The following ZNF251 variants were observed in gnomAD, a reference collection of about 807,000 sequenced individuals.
ZNF251 encodes the protein zinc finger protein 251.
A neutral mutation model predicts 13.5 loss-of-function variants in ZNF251; 14 were observed. The ratio of observed to expected loss-of-function variants is 1.04; its 90% confidence interval spans 0.69 to 1.63. The LOEUF (loss-of-function observed/expected upper bound fraction) is 1.63, where lower values mean the gene tolerates loss of function less well. Ranked by LOEUF, ZNF251 falls within the 40% of genes most tolerant of loss-of-function variation. ZNF251 has a pLI of 0.00. For synonymous variants in ZNF251, 287 were observed against 295.2 expected (o/e 0.97, Z 0.28); for missense variants, 764 against 834.9 (o/e 0.92, Z 1.05).
Position 144,731,312 on chromosome 8 carries a change from C to T in ZNF251, c.278-7930G>A, listed in dbSNP as rs530975179. On this transcript the variant is annotated intron_variant, in intron 4 of 4. Coordinates refer to ENST00000292562, the MANE Select transcript of ZNF251 (RefSeq NM_138367.2). Reference sequence around the variant, plus strand: ...AAACTATGCAGTTCTTCGTCTTCCTCCAGCTCCAAAAGTGTGTGTTTCCTC... The same window carrying T: ...AAACTATGCAGTTCTTCGTCTTCCTTCAGCTCCAAAAGTGTGTGTTTCCTC... 5.9e-5 allele frequency among the ~76,000 whole-genome samples: 9 copies of T among 152,322 alleles called. No homozygotes were observed. In the South Asian group the frequency reaches 1.7e-3, roughly 28 times the overall value.
chr8:144,750,846 G>GTTTTTTTTTTTT (rs58473905), intron 4 of ZNF251, among the ~76,000 whole-genome samples: 5 of 141,314 alleles, frequency 3.5e-5, no homozygotes, highest in Non-Finnish European at 4.6e-5. Context: ...TCTCTCCAGA[G>GTTTTTTTTTTTT]TTTTTTTTTT....
Position 144,734,029 on chromosome 8 carries a change from A to T in ZNF251, c.278-10647T>A, listed in dbSNP as rs983470773. Among the ~76,000 whole-genome samples the T allele has an allele frequency of 1.3e-5, 2 of 152,174 alleles. No homozygotes were observed. Among genetic ancestry groups the T allele is most frequent in the East Asian group, 1.9e-4 (1 of 5,180 alleles). ...CAGAATCTTAGGCTGCACGTGCCAG[A>T]TGCCTAAACTGTGCAGCCTGAATGA... On this transcript the variant is annotated intron_variant, in intron 4 of 4. Coordinates refer to ENST00000292562, the MANE Select transcript of ZNF251 (RefSeq NM_138367.2). This position sits in a 1 kb window ranked among gnomAD's most constrained non-coding sequence, Gnocchi z 4.4.
chr8:144,737,222 C>G (rs137911845), intron 4 of ZNF251, among the ~76,000 whole-genome samples: 1,911 of 151,800 alleles, frequency 0.013, 29 homozygotes, highest in African/African-American at 0.044. Flanking sequence ...CTCAGCCTCC[C>G]GAGTAGCTAG....
intron 4 of ZNF251, chr8:144,729,954 C>T (rs1288654372): frequency 4.4e-6 from 3 of 687,292 alleles, no homozygotes; most frequent in African/African-American, 3.9e-5. Flanking sequence ...TCAATTGTAA[C>T]AGTTTCTCAA....
chr8:144,739,626 A>G (rs1824066692), intron 4 of ZNF251, among the ~76,000 whole-genome samples: 1 of 152,206 alleles, frequency 6.6e-6, no homozygotes, highest in Non-Finnish European at 1.5e-5. Flanking sequence ...CGGAAACCTC[A>G]TGTATTTTGA....
intron 4 of ZNF251, among the ~76,000 whole-genome samples, chr8:144,730,585 C>T (rs1823664680): frequency 6.6e-6 from 1 of 151,820 alleles, no homozygotes; most frequent in Non-Finnish European, 1.5e-5. Flanking sequence ...TGGCATGTGA[C>T]GCTGCGACGG....
intron 4 of ZNF251, among the ~76,000 whole-genome samples, chr8:144,741,908 A>C (rs1452398588): frequency 6.6e-6 from 1 of 152,186 alleles, no homozygotes; most frequent in Non-Finnish European, 1.5e-5. Flanking sequence ...CCAGAGAGAG[A>C]ATGGTACAGA....
chr8:144,735,983 C>T (rs1022736959), intron 4 of ZNF251, among the ~76,000 whole-genome samples: 2 of 152,140 alleles, frequency 1.3e-5, no homozygotes, highest in African/African-American at 4.8e-5. Flanking sequence ...GGGACCCAGG[C>T]CTCACCATTA....
intron 4 of ZNF251, among the ~76,000 whole-genome samples, chr8:144,750,859 CTT>C (rs1189598741): frequency 2.7e-5 from 3 of 112,562 alleles, no homozygotes; most frequent in Non-Finnish European, 1.8e-5. Flanking sequence ...TTTTTTTTTT[CTT>C]TTTTTTTTTT....
chr8:144,721,896 A>T lies in ZNF251; in HGVS notation c.1764T>A (p.His588Gln), dbSNP rs1449181559. 3.3e-6 allele frequency: 5 copies of T among 1,503,718 alleles called. No homozygotes were observed. In the Admixed American group the frequency reaches 1.1e-4, roughly 34 times the overall value. The allele number at this position is 1,503,718 out of a possible 1,614,324, so 93.1% of individuals were successfully genotyped here. A position where few individuals can be genotyped will look rare whatever the true frequency, so the allele number is the denominator to read the frequency against. ...TSRPTEDQIM[H>Q]AGEKPYKCQE... is the part of the protein sequence containing the mutation. ...GACATTTATAGGGCTTTTCCCCAGC[A>T]TGCATTATCTGATCTTCAGTGGGTC... is the stretch of plus-strand genomic sequence containing the variant. The change falls in exon 5 of 5, where the codon CAT (histidine) becomes CAA (glutamine). Residue 588 changes from histidine (H) to glutamine (Q), a missense_variant. By Grantham distance (24) the His-to-Gln change is conservative. Transcript: ENST00000292562.
intron 4 of ZNF251, among the ~76,000 whole-genome samples, chr8:144,752,198 CCTTGACTT>C (rs975613902): frequency 6.6e-6 from 1 of 151,114 alleles, no homozygotes; most frequent in African/African-American, 2.4e-5. Flanking sequence ...CCATCAACCA[CCTTGACTT>C]AACTGATATT....
chr8:144,722,347 C>T lies in ZNF251; in HGVS notation c.1313G>A (p.Cys438Tyr). ...GGAACTCCGACGAAAGGCTTTGCCGCACTCATTACAAACATAGGGTTTTTC... is the reference window on the plus strand; with the variant it reads ...GGAACTCCGACGAAAGGCTTTGCCGTACTCATTACAAACATAGGGTTTTTC... ...TGEKPYVCNE[C>Y]GKAFRRSSTL... Residue 438 changes from cysteine (C) to tyrosine (Y), a missense_variant, in exon 5 of 5, where the codon TGC becomes TAC. Coordinates refer to ENST00000292562, the MANE Select transcript of ZNF251 (RefSeq NM_138367.2). The surrounding 1 kb of genome is among the most constrained non-coding windows in gnomAD (Gnocchi z 4.8). 2 of 1,614,004 alleles carry T rather than the reference C, an allele frequency of 1.2e-6. No individual in the cohort carries two copies. Among genetic ancestry groups the T allele is most frequent in the Non-Finnish European group, 1.7e-6 (2 of 1,179,872 alleles).
chr8:144,753,143 C>T (rs1824774440), intron 4 of ZNF251, among the ~76,000 whole-genome samples: 1 of 151,626 alleles, frequency 6.6e-6, no homozygotes, highest in Admixed American at 6.6e-5. Context: ...GGTATGGTGA[C>T]ATGTGCCTGT....
Position 144,747,934 on chromosome 8 carries a change from G to A in ZNF251, c.277+5749C>T, listed in dbSNP as rs748513501. On this transcript the variant is annotated intron_variant, in intron 4 of 4. Coordinates refer to ENST00000292562, the MANE Select transcript of ZNF251 (RefSeq NM_138367.2). ...GCTGGTTTTGTGGTTTTTAGAGATA[G>A]TGTCTCACTCAGTTGCCCAGCCTGG... Among the ~76,000 whole-genome samples the A allele has an allele frequency of 5.8e-4, 88 of 152,134 alleles. 2 individuals carry two copies. The highest frequency in any genetic ancestry group is 2.6e-3 in the Admixed American group (39 of 15,288).
intron 4 of ZNF251, among the ~76,000 whole-genome samples, chr8:144,742,087 C>T (rs1468023000): frequency 6.6e-6 from 1 of 151,946 alleles, no homozygotes; most frequent in East Asian, 1.9e-4. Flanking sequence ...CAGCTCACCT[C>T]AAAAGCAGGA....
At chr8:144,735,197 C>T (rs532241601) in intron 4 of ZNF251, among the ~76,000 whole-genome samples, 1 of 151,818 alleles carries the variant, frequency 6.6e-6, no homozygotes, top group South Asian at 2.1e-4. Flanking sequence ...ACCATCCTAG[C>T]CAACATGGTA....
rs1473898805 is a variant in ZNF251, at chr8:144,734,830, T to C, written c.278-11448A>G. Among the ~76,000 whole-genome samples the C allele has an allele frequency of 6.6e-6, 1 of 152,126 alleles. No homozygotes were observed. Among genetic ancestry groups the C allele is most frequent in the Non-Finnish European group, 1.5e-5 (1 of 68,020 alleles). The stretch of plus-strand genomic sequence containing the variant: ...AGCTCACGCCTGTAATCCCAGCACT[T>C]TGGGAGGCCGAGGTGGGTAGATCAC... On this transcript the variant is annotated intron_variant, in intron 4 of 4. Coordinates refer to ENST00000292562, the MANE Select transcript of ZNF251 (RefSeq NM_138367.2). This position sits in a 1 kb window ranked among gnomAD's most constrained non-coding sequence, Gnocchi z 4.4.
intron 4 of ZNF251, among the ~76,000 whole-genome samples, chr8:144,729,375 C>T (rs1823622501): frequency 1.3e-5 from 2 of 148,234 alleles, no homozygotes; most frequent in South Asian, 2.1e-4. Context: ...CTTGCTCTGT[C>T]GCCCAGGCTG....
intron 4 of ZNF251, among the ~76,000 whole-genome samples, chr8:144,743,768 G>A (rs1050032906): frequency 2.0e-5 from 3 of 152,130 alleles, no homozygotes; most frequent in Admixed American, 6.6e-5. Flanking sequence ...GTGTGCAGTG[G>A]AATCTCACTG....
Sources: gnomAD v4.1 joint callset for allele counts (sites outside exome capture counted in the v4.1 genomes callset) on GRCh38, gnomAD v4.1.1 for gene constraint, Gnocchi (gnomAD v3.1) non-coding constraint, MANE v1.5 for transcripts, NCBI Gene and HGNC (gene_info 2026-07-23, HGNC 2026-07-21) for gene names.